NDRG3: variants seen among roughly 807,000 people sequenced by gnomAD.
NDRG3 encodes protein NDRG3.
NDRG3 carries 23 observed loss-of-function variants against 57.2 expected under a neutral mutation model. The ratio of observed to expected loss-of-function variants is 0.40; its 90% CI spans 0.29 to 0.57. The LOEUF (loss-of-function observed/expected upper bound fraction) is 0.57. Among genes scored for constraint, NDRG3 ranks in the 20% least tolerant of loss-of-function variants. The pLI is 0.42. For missense variants in NDRG3, 384 were observed against 457.3 expected, an observed-to-expected ratio of 0.84 and a Z score of 1.46; for synonymous variants, 132 against 162.6, an observed-to-expected ratio of 0.81 and a Z score of 1.43.
At chr20:36,683,126 C>T (rs1165847943) in intron 6 of NDRG3, among the ~76,000 whole-genome samples, 1 of 151,888 alleles carries the variant, frequency 6.6e-6, no homozygotes, top group Non-Finnish European at 1.5e-5. Context: ...CACCTGTAGT[C>T]CCAGCTGCTC....
chr20:36,686,115 T>A (rs922425780), intron 5 of NDRG3, among the ~76,000 whole-genome samples: 2 of 152,242 alleles, frequency 1.3e-5, no homozygotes, highest in African/African-American at 4.8e-5. Flanking sequence ...GAAGTCAGCC[T>A]GCCTCTGCCT....
At chr20:36,675,326 C>T (rs528662524) in intron 8 of NDRG3, among the ~76,000 whole-genome samples, 1 of 139,462 alleles carries the variant, frequency 7.2e-6, no homozygotes, top group East Asian at 2.2e-4. Flanking sequence ...TCCCAAAGTG[C>T]GGAGATTACA....
rs560435391 is a variant in NDRG3 at position 36,652,859 on chromosome 20, G to A, written c.*661C>T. On this transcript the variant is annotated 3_prime_UTR_variant, in exon 16 of 16. Transcript: ENST00000349004. ...ATTCCTCCCTTTTATTTATAGAAGA[G>A]TATACAGAAATTCATTTGGACAGAA... 6.6e-6 allele frequency: 1 copy of A among 152,344 alleles called. No homozygotes were observed. Among genetic ancestry groups the A allele is most frequent in the African/African-American group, 2.4e-5 (1 of 41,586 alleles). 9.4% of individuals were successfully genotyped at this position (152,344 alleles called of 1,614,324 possible). A position where few individuals can be genotyped will look rare whatever the true frequency, so the allele number is the denominator to read the frequency against.
At position 36,660,368 on chromosome 20, in the gene NDRG3, C is replaced by A; in HGVS notation, c.827G>T (p.Arg276Leu). The A allele has an allele frequency of 1.2e-6, 2 of 1,605,376 alleles. No individual in the cohort carries two copies. The highest frequency in any genetic ancestry group is 2.3e-5 in the East Asian group (1 of 44,390). ...AVEAVVECNS[R>L]LNPINTTLLK... ...CAAAGTTGTATTTATAGGGTTCAGG[C>A]GGGAATTGCATTCGACCTAAAATTT... Residue 276 changes from arginine to leucine, a missense_variant, in exon 13 of 16, where the codon CGC becomes CTC. Arg to Leu is a moderately radical substitution (Grantham distance 102). Coordinates refer to ENST00000349004, the MANE Select transcript of NDRG3 (RefSeq NM_032013.4).
At chr20:36,677,062 G>A (rs963152725) in intron 8 of NDRG3, among the ~76,000 whole-genome samples, 2 of 152,192 alleles carry the variant, frequency 1.3e-5, no homozygotes, top group African/African-American at 2.4e-5. Flanking sequence ...CAGCCGCTGC[G>A]CCTGTGGCTG....
chr20:36,743,236 G>A (rs1371199602), intron 1 of NDRG3, among the ~76,000 whole-genome samples: 2 of 152,236 alleles, frequency 1.3e-5, no homozygotes, highest in Non-Finnish European at 2.9e-5. Context: ...GCTCACGCCT[G>A]TAATCCCACC....
At chr20:36,698,803 TAC>T (rs1235299782) in intron 3 of NDRG3, among the ~76,000 whole-genome samples, 2 of 152,066 alleles carry the variant, frequency 1.3e-5, no homozygotes, top group African/African-American at 4.8e-5. Context: ...TTAGCATTAA[TAC>T]ACACAGAAAA....
At chr20:36,687,059 A>G (rs1477526117) in intron 5 of NDRG3, among the ~76,000 whole-genome samples, 2 of 151,958 alleles carry the variant, frequency 1.3e-5, no homozygotes, top group African/African-American at 4.8e-5. Flanking sequence ...AGGTATTCCT[A>G]TGTTATCCAG....
chr20:36,684,878 C>T (rs955491446), intron 5 of NDRG3, among the ~76,000 whole-genome samples: 1 of 151,924 alleles, frequency 6.6e-6, no homozygotes, highest in Non-Finnish European at 1.5e-5. Flanking sequence ...TAGATAAAAG[C>T]ATTTCCTTTT....
intron 4 of NDRG3, 35 bp downstream of exon 4, chr20:36,688,644 T>C: frequency 7.0e-7 from 1 of 1,425,218 alleles, no homozygotes; most frequent in Non-Finnish European, 9.9e-7. Flanking sequence ...AGATCAAGTA[T>C]GATAAGAAGG....
At chr20:36,731,726 C>T (rs1985294397) in intron 1 of NDRG3, among the ~76,000 whole-genome samples, 1 of 151,624 alleles carries the variant, frequency 6.6e-6, no homozygotes, top group Non-Finnish European at 1.5e-5. Context: ...AGGAGAATGG[C>T]ATGAATCCAG....
chr20:36,712,759 C>T (rs1984002148), intron 2 of NDRG3, among the ~76,000 whole-genome samples: 1 of 151,048 alleles, frequency 6.6e-6, no homozygotes, highest in South Asian at 2.1e-4. Flanking sequence ...CCATAACTGG[C>T]TCATTTTTGT....
intron 1 of NDRG3, among the ~76,000 whole-genome samples, chr20:36,731,854 T>C (rs1177442516): frequency 1.3e-5 from 2 of 148,542 alleles, no homozygotes; most frequent in Non-Finnish European, 3.0e-5. Flanking sequence ...TTAGTTGGCA[T>C]AGTGGATCAA....
intron 2 of NDRG3, among the ~76,000 whole-genome samples, chr20:36,711,096 C>T (rs1426316670): frequency 1.4e-5 from 2 of 148,052 alleles, no homozygotes; most frequent in Non-Finnish European, 3.0e-5. Context: ...CTGTGTAACA[C>T]GGTGAAACCC....
chr20:36,722,828 T>C (rs981386739), intron 1 of NDRG3, among the ~76,000 whole-genome samples: 3 of 152,166 alleles, frequency 2.0e-5, no homozygotes, highest in Admixed American at 6.5e-5. Context: ...GTGTAACTAA[T>C]AGAATATGGA....
At chr20:36,733,171 A>AAAAAAAAATAT (rs1555807709) in intron 1 of NDRG3, among the ~76,000 whole-genome samples, 1 of 33,236 alleles carries the variant, frequency 3.0e-5, no homozygotes, top group Non-Finnish European at 5.5e-5. Context: ...AAAAAAAAAA[A>AAAAAAAAATAT]ATATATATAT....
intron 6 of NDRG3, among the ~76,000 whole-genome samples, chr20:36,683,516 C>T (rs1015023153): frequency 6.6e-6 from 1 of 151,882 alleles, no homozygotes; most frequent in African/African-American, 2.4e-5. Context: ...AAATGGGAAG[C>T]TGAGGCAGGA....
intron 15 of NDRG3, among the ~76,000 whole-genome samples, chr20:36,654,144 G>A (rs538331759): frequency 2.2e-4 from 34 of 152,318 alleles, no homozygotes; most frequent in Admixed American, 9.8e-4. Flanking sequence ...ACTACCATCC[G>A]TGTCCACAGG....
At chr20:36,739,723 C>A (rs1258477898) in intron 1 of NDRG3, among the ~76,000 whole-genome samples, 6 of 151,318 alleles carry the variant, frequency 4.0e-5, no homozygotes. Context: ...GAGATCGAGA[C>A]CATGGTGAAA....
Sources: gnomAD v4.1 joint callset for allele counts (sites outside exome capture counted in the v4.1 genomes callset) on GRCh38, gnomAD v4.1.1 for gene constraint, MANE v1.5 for transcripts, NCBI Gene and HGNC (gene_info 2026-07-23, HGNC 2026-07-21) for gene names.